Variants in ARHGAP10 observed in about 807,000 individuals in gnomAD.
The protein encoded by ARHGAP10 is rho GTPase-activating protein 10.
In ARHGAP10, 87 loss-of-function variants were observed where a neutral mutation model predicts 108.6. The ratio of observed to expected loss-of-function variants is 0.80; its 90% confidence interval spans 0.67 to 0.96. ARHGAP10 has a LOEUF of 0.96. Among genes scored for constraint, ARHGAP10 ranks in the 40% least tolerant of loss-of-function variants. The pLI is 0.00. For missense variants in ARHGAP10, 939 were observed against 954.5 expected (o/e 0.98, Z 0.21); for synonymous variants, 347 against 341.1 (o/e 1.02, Z -0.19).
chr4:147,912,356 A>G (rs1318177459), intron 12 of ARHGAP10, among the ~76,000 whole-genome samples: 1 of 151,324 alleles, frequency 6.6e-6, no homozygotes, highest in African/African-American at 2.4e-5. Flanking sequence ...CCTGGCCAAC[A>G]TGGTGAAACC....
At chr4:148,031,301 T>A (rs989551426) in intron 19 of ARHGAP10, among the ~76,000 whole-genome samples, 3 of 152,250 alleles carry the variant, frequency 2.0e-5, no homozygotes, top group African/African-American at 7.2e-5. Flanking sequence ...CAGAGAGTAA[T>A]AACTTTGAAC....
intron 1 of ARHGAP10, among the ~76,000 whole-genome samples, chr4:147,787,487 A>C (rs1236790887): frequency 6.6e-6 from 1 of 152,124 alleles, no homozygotes; most frequent in Non-Finnish European, 1.5e-5. Flanking sequence ...TGTTCTTGCC[A>C]GACTGTGGAA....
At chr4:147,921,013 C>G (rs1422852195) in intron 13 of ARHGAP10, among the ~76,000 whole-genome samples, 2 of 152,188 alleles carry the variant, frequency 1.3e-5, no homozygotes, top group Admixed American at 6.5e-5. Context: ...AAGAAACAGG[C>G]ATTCAAAAAG....
intron 20 of ARHGAP10, among the ~76,000 whole-genome samples, chr4:148,050,332 G>A (rs1054628786): frequency 2.8e-5 from 4 of 145,390 alleles, no homozygotes; most frequent in Non-Finnish European, 6.0e-5. Context: ...ATGTCTCTTA[G>A]GCTACTACAT....
At position 147,847,174 on chromosome 4, in the gene ARHGAP10, GA is replaced by G. The variant is rs758128319; in HGVS notation, c.337del (p.Ile113LeufsTer15). 56 of 1,613,416 alleles carry G rather than the reference GA, an allele frequency of 3.5e-5. No homozygotes were observed. Among genetic ancestry groups the G allele is most frequent in the Non-Finnish European group, 4.7e-5 (56 of 1,179,596 alleles). On this transcript the variant is annotated frameshift_variant, in exon 4 of 23. Coordinates refer to ENST00000336498, the MANE Select transcript of ARHGAP10 (RefSeq NM_024605.4). LOFTEE classifies it high-confidence loss of function. ...IMALSVTETL[I>X]KPLEKFRKEQ... ...AGGCATTAAGTGTAACTGAAACCCT[GA>G]TTAAACCCTTGGAAAAATTCAGAAA... is the stretch of plus-strand genomic sequence containing the variant.
At chr4:147,798,660 G>A (rs983448607) in intron 1 of ARHGAP10, among the ~76,000 whole-genome samples, 5 of 150,914 alleles carry the variant, frequency 3.3e-5, no homozygotes, top group Non-Finnish European at 5.9e-5. Flanking sequence ...AGTGGCTCAC[G>A]CCTGTAATCC....
chr4:147,927,250 A>G (rs554693993), intron 13 of ARHGAP10, among the ~76,000 whole-genome samples: 2 of 152,200 alleles, frequency 1.3e-5, no homozygotes, highest in African/African-American at 4.8e-5. Flanking sequence ...AGATTTAAGT[A>G]TCACCCACTG....
chr4:147,796,585 T>A (rs1207030043), intron 1 of ARHGAP10, among the ~76,000 whole-genome samples: 2 of 152,074 alleles, frequency 1.3e-5, no homozygotes, highest in Admixed American at 1.3e-4. Context: ...AATGCAGTGG[T>A]GTCATCTCGG....
chr4:147,732,518 C>T (rs1021213244), intron 1 of ARHGAP10, 63 bp downstream of exon 1: 10 of 1,591,002 alleles, frequency 6.3e-6, no homozygotes, highest in Non-Finnish European at 8.6e-6. Flanking sequence ...GAGCCTCTCT[C>T]GGCAGGAGAC....
chr4:147,833,494 C>T (rs184740247), intron 3 of ARHGAP10, among the ~76,000 whole-genome samples: 79 of 152,244 alleles, frequency 5.2e-4, no homozygotes, highest in African/African-American at 1.7e-3. Flanking sequence ...CAGTCTCAAG[C>T]AGTAACTTCA....
chr4:147,751,022 T>C (rs938034599), intron 1 of ARHGAP10, among the ~76,000 whole-genome samples: 5 of 151,716 alleles, frequency 3.3e-5, no homozygotes, highest in African/African-American at 1.2e-4. Context: ...TGCTAAAAAA[T>C]ATAAAAATTA....
intron 18 of ARHGAP10, among the ~76,000 whole-genome samples, chr4:148,007,891 TCA>T (rs1250830928): frequency 6.6e-6 from 1 of 152,124 alleles, no homozygotes; most frequent in Non-Finnish European, 1.5e-5. Flanking sequence ...ATGTTCCCGG[TCA>T]CAGTCTTCGG....
intron 3 of ARHGAP10, among the ~76,000 whole-genome samples, chr4:147,843,421 C>T (rs542780771): frequency 6.6e-6 from 1 of 152,198 alleles, no homozygotes; most frequent in Admixed American, 6.5e-5. Flanking sequence ...CATAAATCAA[C>T]TCCAGCCCAG....
chr4:148,058,260 C>T (rs1170802101), intron 20 of ARHGAP10, among the ~76,000 whole-genome samples: 1 of 152,140 alleles, frequency 6.6e-6, no homozygotes, highest in Non-Finnish European at 1.5e-5. Flanking sequence ...GCTCAGAGAC[C>T]TGGCAAATGA....
chr4:148,035,292 A>T (rs1356164025), intron 19 of ARHGAP10, among the ~76,000 whole-genome samples: 1 of 152,202 alleles, frequency 6.6e-6, no homozygotes, highest in Non-Finnish European at 1.5e-5. Flanking sequence ...TATTAAGTTT[A>T]TGGCAATTTC....
rs115929285 is a variant in ARHGAP10, at chr4:147,777,708, G to T, written c.155-45019G>T. On this transcript the variant is annotated intron_variant, in intron 1 of 22. Coordinates refer to ENST00000336498, the MANE Select transcript of ARHGAP10 (RefSeq NM_024605.4). ...TGTGTCATTTCCAGCAGCATCTTTAGTATACCTCTGGAGGGATAGTTTCCT... is the reference window on the plus strand; with the variant it reads ...TGTGTCATTTCCAGCAGCATCTTTATTATACCTCTGGAGGGATAGTTTCCT... 6.5e-3 allele frequency among the ~76,000 whole-genome samples: 989 copies of T among 152,296 alleles called. 8 individuals are homozygous for T. The highest frequency in any genetic ancestry group is 0.023 in the African/African-American group (943 of 41,562).
At chr4:147,795,480 C>G (rs1457517430) in intron 1 of ARHGAP10, among the ~76,000 whole-genome samples, 1 of 152,030 alleles carries the variant, frequency 6.6e-6, no homozygotes, top group African/African-American at 2.4e-5. Context: ...TACAGGGTCT[C>G]TGTGGGTCCT....
At chr4:147,742,397 A>C (rs1245077415) in intron 1 of ARHGAP10, among the ~76,000 whole-genome samples, 1 of 151,482 alleles carries the variant, frequency 6.6e-6, no homozygotes, top group Non-Finnish European at 1.5e-5. Flanking sequence ...ATTATTATTA[A>C]AATAACTATT....
At chr4:148,028,813 G>C (rs904393949) in intron 19 of ARHGAP10, among the ~76,000 whole-genome samples, 2 of 152,200 alleles carry the variant, frequency 1.3e-5, no homozygotes, top group Non-Finnish European at 2.9e-5. Flanking sequence ...ATATCTGGGA[G>C]AGATGTTAAA....
Sources: allele counts gnomAD v4.1 joint callset (sites outside exome capture counted in the v4.1 genomes callset), GRCh38; gene constraint gnomAD v4.1.1; transcripts MANE v1.5; gene names NCBI Gene and HGNC (gene_info 2026-07-23, HGNC 2026-07-21).